VRK2: variants seen among roughly 807,000 people sequenced by gnomAD.
VRK2 encodes the protein VRK serine/threonine kinase 2, also known as serine/threonine-protein kinase VRK2.
In VRK2, 60 loss-of-function variants were observed where a neutral mutation model predicts 57.6. That is an observed-to-expected ratio of 1.04 (90% CI 0.85 to 1.29). The LOEUF is 1.29. Ranked by LOEUF, VRK2 falls within the 50% of genes most tolerant of loss-of-function variation. The probability of loss-of-function intolerance (pLI) is 0.00; values close to 1 mark genes in which losing one functional copy is unlikely to be tolerated. For missense variants in VRK2, 705 were observed against 588.1 expected, an observed-to-expected ratio of 1.20 and a Z score of -2.06; for synonymous variants, 231 against 199.2, an observed-to-expected ratio of 1.16 and a Z score of -1.35.
chr2:58,136,824 G>T (rs1680114272), intron 10 of VRK2, among the ~76,000 whole-genome samples: 2 of 139,048 alleles, frequency 1.4e-5, no homozygotes, highest in African/African-American at 2.7e-5. Context: ...TCATATATGT[G>T]TGTATATATA....
At chr2:58,137,283 A>C (rs534430727) in intron 10 of VRK2, among the ~76,000 whole-genome samples, 4 of 67,590 alleles carry the variant, frequency 5.9e-5, no homozygotes, top group South Asian at 6.0e-4. Context: ...TTGTATATAT[A>C]TCTCTTACCT....
chr2:58,154,787 C>G, intron 12 of VRK2: 1 of 717,314 alleles, frequency 1.4e-6, no homozygotes, highest in Non-Finnish European at 2.6e-6. Context: ...GATTTGAACC[C>G]ACTATTTTTT....
At chr2:57,985,503 T>A (rs1459049644) in intron 1 of VRK2, among the ~76,000 whole-genome samples, 2 of 152,058 alleles carry the variant, frequency 1.3e-5, no homozygotes, top group Non-Finnish European at 2.9e-5. Context: ...GGTTTCCTTA[T>A]CAAACATGTT....
chr2:57,947,955 T>C (rs1223953427), intron 1 of VRK2, among the ~76,000 whole-genome samples: 1 of 152,214 alleles, frequency 6.6e-6, no homozygotes, highest in Non-Finnish European at 1.5e-5. Flanking sequence ...TAAGCATTGC[T>C]GAGCCTCTAA....
intron 2 of VRK2, among the ~76,000 whole-genome samples, chr2:58,081,892 G>A (rs1028169950): frequency 6.9e-6 from 1 of 145,888 alleles, no homozygotes; most frequent in Non-Finnish European, 1.5e-5. Context: ...GTGTGTGTGT[G>A]TGTGTGTTTC....
At chr2:57,926,592 A>T (rs1387631857) in intron 1 of VRK2, among the ~76,000 whole-genome samples, 2 of 151,680 alleles carry the variant, frequency 1.3e-5, no homozygotes, top group African/African-American at 4.8e-5. Context: ...TTATCATGAT[A>T]TAATGACCTT....
intron 1 of VRK2, among the ~76,000 whole-genome samples, chr2:57,922,999 CACTTA>C (rs1670404474): frequency 6.6e-6 from 1 of 151,988 alleles, no homozygotes; most frequent in African/African-American, 2.4e-5. Context: ...TGGCCTATTT[CACTTA>C]ACTTAATGTC....
chr2:58,074,951 G>A (rs963765586), intron 2 of VRK2, among the ~76,000 whole-genome samples: 12 of 152,006 alleles, frequency 7.9e-5, no homozygotes, highest in Non-Finnish European at 1.8e-4. Flanking sequence ...TGTTACATGG[G>A]TAAATTGTGC....
At chr2:58,105,385 G>T (rs1056578164) in intron 7 of VRK2, among the ~76,000 whole-genome samples, 1 of 151,700 alleles carries the variant, frequency 6.6e-6, no homozygotes, top group Non-Finnish European at 1.5e-5. Flanking sequence ...ATGGGCAAAA[G>T]ACATGAACAG....
At chr2:58,147,580 G>T (rs539733617) in intron 12 of VRK2, among the ~76,000 whole-genome samples, 1 of 151,902 alleles carries the variant, frequency 6.6e-6, no homozygotes, top group East Asian at 1.9e-4. Flanking sequence ...CTGATGCAAA[G>T]AAATTGATTC....
rs564986456 is a variant in VRK2 at position 58,075,926 on chromosome 2, G to C, written c.137-8163G>C. ...CTTGTCTTTCCAGTTTTTGGGCACT[G>C]ATTTGCCTTGTAACCTCAGTTCTCT... On this transcript the variant is annotated intron_variant, in intron 2 of 12. Transcript: ENST00000340157. Among the ~76,000 whole-genome samples the C allele has an allele frequency of 4.5e-4, 62 of 138,762 alleles. 2 individuals carry two copies. In the South Asian group the frequency reaches 0.014, roughly 32 times the overall value. The allele number at this position is 138,762 out of a possible 152,430, so 91.0% of individuals were successfully genotyped here. A position where few individuals can be genotyped will look rare whatever the true frequency, so the allele number is the denominator to read the frequency against.
chr2:58,084,566 A>G (rs1233747451), intron 3 of VRK2, among the ~76,000 whole-genome samples: 1 of 151,954 alleles, frequency 6.6e-6, no homozygotes, highest in African/African-American at 2.4e-5. Context: ...ATATGTTGGT[A>G]TACAGTGAGT....
At chr2:58,058,587 GA>G in intron 2 of VRK2, 1 of 273,342 alleles carries the variant, frequency 3.7e-6, no homozygotes, top group South Asian at 3.5e-5. Context: ...AAAAAAGAAT[GA>G]AAGAAGAGTC....
chr2:57,936,531 G>GTTTTTTTTTTTTT (rs539088139), intron 1 of VRK2, among the ~76,000 whole-genome samples: 2 of 134,948 alleles, frequency 1.5e-5, no homozygotes, highest in African/African-American at 2.8e-5. Flanking sequence ...TTGTTTTTTT[G>GTTTTTTTTTTTTT]TTTTTTTTTT....
At chr2:57,986,875 A>G (rs759537079) in intron 1 of VRK2, among the ~76,000 whole-genome samples, 47 of 152,338 alleles carry the variant, frequency 3.1e-4, no homozygotes, top group South Asian at 1.7e-3. Context: ...CTGGGATTAC[A>G]GGCATAAACC....
At chr2:57,958,817 A>C (rs545918642) in intron 1 of VRK2, among the ~76,000 whole-genome samples, 1 of 152,330 alleles carries the variant, frequency 6.6e-6, no homozygotes, top group African/African-American at 2.4e-5. Context: ...GGGAATGTGA[A>C]TATCTCAGTA....
rs576282548 is a variant in VRK2, at chr2:57,922,386, T to C, written c.-439+14547T>C. On this transcript the variant is annotated intron_variant, in intron 1 of 15. Coordinates refer to the VRK2 transcript ENST00000417641. ...AAGTGTACAATGTGATGTTTAAATA[T>C]ATGTATATGTTGTGAAATGATTACC... Among the ~76,000 whole-genome samples, 6 of 152,044 alleles carry C rather than the reference T, an allele frequency of 3.9e-5. No homozygotes were observed. In the South Asian group the frequency reaches 6.2e-4, roughly 16 times the overall value.
chr2:57,983,836 G>A (rs1275566751), intron 1 of VRK2, among the ~76,000 whole-genome samples: 1 of 152,180 alleles, frequency 6.6e-6, no homozygotes, highest in Admixed American at 6.5e-5. Flanking sequence ...TTAGAAAATA[G>A]TTGATGAAAT....
At chr2:58,135,297 T>C (rs2104562381) in intron 10 of VRK2, 98 bp downstream of exon 10, 6 of 1,304,026 alleles carry the variant, frequency 4.6e-6, no homozygotes, top group Middle Eastern at 1.9e-4. Context: ...CTTGCTCCTA[T>C]TCCCATCAGG....
Sources: gnomAD v4.1 joint callset for allele counts (sites outside exome capture counted in the v4.1 genomes callset) on GRCh38, gnomAD v4.1.1 for gene constraint, MANE v1.5 for transcripts, NCBI Gene and HGNC (gene_info 2026-07-23, HGNC 2026-07-21) for gene names.